Variants in GRHL2 observed in about 807,000 individuals in gnomAD.
GRHL2 encodes the protein grainyhead like transcription factor 2, also known as grainyhead-like protein 2 homolog.
A neutral mutation model predicts 83.8 loss-of-function variants in GRHL2; 21 were observed. The observed-to-expected ratio is 0.25, with a 90% CI of 0.18 to 0.36. GRHL2 has a LOEUF of 0.36. Ranked by LOEUF, GRHL2 falls within the 10% of genes least tolerant of loss-of-function variation. The pLI is 1.00. For missense variants in GRHL2, 623 were observed against 781.8 expected, an observed-to-expected ratio of 0.80 and a Z score of 2.42; for synonymous variants, 280 against 278.9, an observed-to-expected ratio of 1.00 and a Z score of -0.04.
At position 101,556,971 on chromosome 8, in the gene GRHL2, C is replaced by T. The variant is rs75633320; in HGVS notation, c.285-1448C>T. Among the ~76,000 whole-genome samples the T allele has an allele frequency of 0.014, 2,071 of 151,968 alleles. 122 individuals are homozygous for T. The East Asian group carries it at 0.18, about 13-fold the overall frequency. On this transcript the variant is annotated intron_variant, in intron 3 of 15. Coordinates refer to ENST00000646743, the MANE Select transcript of GRHL2 (RefSeq NM_024915.4). ...GAAGTACAGAGAATAGTGTAATAAA[C>T]CCCCCAAATACCCATCCCATTCTCC...
chr8:101,632,081 A>AGGTG, intron 10 of GRHL2, 145 bp from the exon 11 acceptor site: 1 of 855,632 alleles, frequency 1.2e-6, no homozygotes, highest in Non-Finnish European at 1.9e-6. Context: ...TGCTGGGATG[A>AGGTG]GGTGGTGGGA....
At chr8:101,634,505 G>T (rs1813248530) in intron 11 of GRHL2, among the ~76,000 whole-genome samples, 2 of 152,260 alleles carry the variant, frequency 1.3e-5, no homozygotes, top group Admixed American at 1.3e-4. Context: ...AGAGCCAGCA[G>T]TGGCAGGTCA....
intron 3 of GRHL2, among the ~76,000 whole-genome samples, chr8:101,555,535 A>G (rs941924381): frequency 1.3e-5 from 2 of 152,292 alleles, no homozygotes; most frequent in Non-Finnish European, 2.9e-5. Flanking sequence ...TGTTTAAACA[A>G]TGAGGTTTAG....
At chr8:101,652,421 GTGTGGTGTGTGTGTC>G (rs1813665034) in intron 14 of GRHL2, among the ~76,000 whole-genome samples, 2 of 85,668 alleles carry the variant, frequency 2.3e-5, no homozygotes, top group African/African-American at 1.3e-4. Flanking sequence ...TGGTGTGTGT[GTGTGGTGTGTGTGTC>G]TGGTGTGTGT....
intron 13 of GRHL2, among the ~76,000 whole-genome samples, chr8:101,647,209 C>T (rs758168160): frequency 2.0e-5 from 3 of 152,124 alleles, no homozygotes; most frequent in African/African-American, 7.2e-5. Flanking sequence ...ACTAAAAATA[C>T]AAAAACTTAG....
chr8:101,663,607 A>T (rs577790330), intron 14 of GRHL2, among the ~76,000 whole-genome samples: 36 of 146,516 alleles, frequency 2.5e-4, no homozygotes, highest in African/African-American at 9.4e-4. Context: ...GCAAGATTCC[A>T]TCTCAAAAAA....
In GRHL2 at chr8:101,520,107, A is replaced by G. The variant is rs143157268; in HGVS notation, c.21-23134A>G. ...AGAAGGGACATCTTGTGTAAGCAAC[A>G]TATTTTGTATGGATTTTATACAGAC... On this transcript the variant is annotated intron_variant, in intron 1 of 15. Transcript: ENST00000646743. Among the ~76,000 whole-genome samples the G allele has an allele frequency of 4.3e-4, 65 of 152,328 alleles. 1 individual carries two copies. Among genetic ancestry groups the G allele is most frequent in the Non-Finnish European group, 2.1e-4 (14 of 68,030 alleles).
chr8:101,544,492 T>C (rs1161982107), intron 2 of GRHL2, among the ~76,000 whole-genome samples: 1 of 152,204 alleles, frequency 6.6e-6, no homozygotes, highest in African/African-American at 2.4e-5. Flanking sequence ...TTCTCAAGCA[T>C]AAAGAACTAT....
At chr8:101,632,481 G>A (rs545293974) in intron 11 of GRHL2, 116 bp downstream of exon 11, 1 of 1,246,044 alleles carries the variant, frequency 8.0e-7, no homozygotes, top group Admixed American at 1.7e-5. Flanking sequence ...CCATTCACTA[G>A]AGAAAAAGTC....
intron 11 of GRHL2, among the ~76,000 whole-genome samples, chr8:101,635,059 A>T (rs928763623): frequency 2.0e-5 from 3 of 152,130 alleles, no homozygotes; most frequent in African/African-American, 7.2e-5. Flanking sequence ...CCTTCCCCAA[A>T]GTACTTGAAC....
chr8:101,525,351 G>A (rs1335049918), intron 1 of GRHL2, among the ~76,000 whole-genome samples: 2 of 152,040 alleles, frequency 1.3e-5, no homozygotes, highest in African/African-American at 4.8e-5. Context: ...AGTCCCAGAA[G>A]AGTTTGTATT....
At chr8:101,649,571 C>A (rs1443795361) in intron 14 of GRHL2, 72 bp downstream of exon 14, 1 of 1,117,388 alleles carries the variant, frequency 8.9e-7, no homozygotes, top group Non-Finnish European at 1.4e-6. Flanking sequence ...CATGTACTAA[C>A]GTGCAGCCAC....
At position 101,642,125 on chromosome 8, in the gene GRHL2, T is replaced by C. The variant is rs2129658586; in HGVS notation, c.1518-2006T>C. Among the ~76,000 whole-genome samples, 2 of 152,230 alleles carry C rather than the reference T, an allele frequency of 1.3e-5. 1 individual carries two copies. Among genetic ancestry groups the C allele is most frequent in the East Asian group, 3.9e-4 (2 of 5,172 alleles). ...GGAGACCTGAAATTTGCTTTCTACA[T>C]CTGTCAAATGGGGCAGTCATATCTG... On this transcript the variant is annotated intron_variant, in intron 12 of 15. Transcript: ENST00000646743.
chr8:101,607,661 GGGT>G (rs780701567), intron 8 of GRHL2, among the ~76,000 whole-genome samples: 3 of 152,168 alleles, frequency 2.0e-5, no homozygotes, highest in Non-Finnish European at 4.4e-5. Flanking sequence ...CTCCTGGGAG[GGGT>G]CTTGAAAGAT....
At chr8:101,545,297 G>A (rs1218464732) in intron 2 of GRHL2, among the ~76,000 whole-genome samples, 2 of 151,972 alleles carry the variant, frequency 1.3e-5, no homozygotes, top group African/African-American at 2.4e-5. Context: ...CTCTTATGAA[G>A]GCATAAAACT....
At chr8:101,500,009 G>C (rs1191216329) in intron 1 of GRHL2, among the ~76,000 whole-genome samples, 1 of 152,078 alleles carries the variant, frequency 6.6e-6, no homozygotes, top group Non-Finnish European at 1.5e-5. Context: ...ACAGGAGGTG[G>C]AGGTTGCAGT....
the GRHL2 span, among the ~76,000 whole-genome samples, chr8:101,676,045 A>G: frequency 6.6e-6 from 1 of 152,152 alleles, no homozygotes; most frequent in East Asian, 1.9e-4. Flanking sequence ...CTTACACCTT[A>G]TACAAAAATT....
At chr8:101,547,720 T>C (rs527565796) in intron 2 of GRHL2, among the ~76,000 whole-genome samples, 10 of 152,228 alleles carry the variant, frequency 6.6e-5, no homozygotes, top group African/African-American at 1.9e-4. Flanking sequence ...ATGCCCTTTT[T>C]TGAATCCATT....
intron 7 of GRHL2, among the ~76,000 whole-genome samples, chr8:101,589,511 A>G (rs1812232377): frequency 6.6e-6 from 1 of 152,220 alleles, no homozygotes; most frequent in South Asian, 2.1e-4. Context: ...CAGAATAAAA[A>G]ATACTAGCAT....
Sources: allele counts gnomAD v4.1 joint callset (sites outside exome capture counted in the v4.1 genomes callset), GRCh38; gene constraint gnomAD v4.1.1; transcripts MANE v1.5; gene names NCBI Gene and HGNC (gene_info 2026-07-23, HGNC 2026-07-21).